CNTLN: variants seen among roughly 807,000 people sequenced by gnomAD.
The protein encoded by CNTLN is centlein, also known as centlein, centrosomal protein.
Under a neutral mutation model 180.0 loss-of-function variants are expected in CNTLN, and 212 were observed. That is an observed-to-expected ratio of 1.18 (90% CI 1.05 to 1.32). The LOEUF (loss-of-function observed/expected upper bound fraction) is 1.32, where lower values mean the gene tolerates loss of function less well. Among genes scored for constraint, CNTLN ranks in the 40% most tolerant of loss-of-function variants. The pLI is 0.00. For missense variants in CNTLN, 2,095 were observed against 1,610.9 expected (o/e 1.30, Z -5.14); for synonymous variants, 722 against 563.1 (o/e 1.28, Z -3.99).
chr9:17,252,383 G>A (rs887266595), intron 5 of CNTLN, among the ~76,000 whole-genome samples: 5 of 151,266 alleles, frequency 3.3e-5, no homozygotes, highest in Non-Finnish European at 5.9e-5. Context: ...TGTTATATAC[G>A]CTGTTGTATC....
chr9:17,427,543 T>A (rs1380763516), intron 18 of CNTLN, among the ~76,000 whole-genome samples: 2 of 152,178 alleles, frequency 1.3e-5, no homozygotes, highest in Non-Finnish European at 2.9e-5. Context: ...AGTGGCTGTT[T>A]TCTTTTTTTT....
At chr9:17,249,860 G>C (rs770600385) in intron 5 of CNTLN, among the ~76,000 whole-genome samples, 2 of 147,276 alleles carry the variant, frequency 1.4e-5, no homozygotes, top group Non-Finnish European at 3.0e-5. Flanking sequence ...AGCTGTTTTG[G>C]GATAGAGTAT....
intron 15 of CNTLN, among the ~76,000 whole-genome samples, chr9:17,401,321 T>G (rs1412379987): frequency 1.3e-5 from 2 of 152,158 alleles, no homozygotes; most frequent in Non-Finnish European, 2.9e-5. Context: ...TAAATAATAT[T>G]CATTGTCTGA....
chr9:17,505,311 G>T (rs751431883), downstream of CNTLN, among the ~76,000 whole-genome samples: 1 of 151,872 alleles, frequency 6.6e-6, no homozygotes, highest in Non-Finnish European at 1.5e-5. Context: ...CATAACGTGG[G>T]AAATTCTAGC....
rs1157529794 is a variant in CNTLN, at chr9:17,466,019, A to G, written c.3570A>G (p.Val1190=). 4 of 1,598,058 alleles carry G rather than the reference A, an allele frequency of 2.5e-6. No homozygotes were observed. In the Admixed American group the frequency reaches 6.7e-5, roughly 27 times the overall value. ...CTGAAGAATGTTCCAACAAGAAGGT[A>G]TCAATTGATTCACTAAAGCAAAGAC... The part of the protein sequence containing the change: ...TLTEECSNKK[V]SIDSLKQRLN... Residue 1190 remains valine (V), a synonymous_variant, in exon 22 of 26, where the codon GTA becomes GTG. Coordinates refer to ENST00000380647, the MANE Select transcript of CNTLN (RefSeq NM_017738.4).
chr9:17,484,477 A>G lies in CNTLN; in HGVS notation c.4038A>G (p.Gln1346=). 6.3e-7 allele frequency: 1 copy of G among 1,591,464 alleles called. No individual in the cohort carries two copies. The highest frequency in any genetic ancestry group is 1.4e-5 in the African/African-American group (1 of 73,444). The change falls in exon 24 of 26, where the codon CAA becomes CAG. Residue 1346 remains glutamine (Q), a synonymous_variant. Transcript: ENST00000380647. ...AGGAAATATTAGACACAGAAGATCA[A>G]GTGGTAAGATCATTTAAATATTTAT... is the stretch of plus-strand genomic sequence containing the variant. The part of the protein sequence containing the change: ...DLEEILDTED[Q]VEIEKTKIDA...
chr9:17,212,527 G>T (rs938250329), intron 2 of CNTLN, among the ~76,000 whole-genome samples: 24 of 152,030 alleles, frequency 1.6e-4, no homozygotes, highest in African/African-American at 4.8e-4. Flanking sequence ...CTTTTTTGTT[G>T]TGTCTCTGCC....
intron 5 of CNTLN, among the ~76,000 whole-genome samples, chr9:17,237,392 C>CAA (rs1825215758): frequency 7.0e-6 from 1 of 143,578 alleles, no homozygotes; most frequent in African/African-American, 2.7e-5. Context: ...CACACACACA[C>CAA]ACACACACAC....
downstream of CNTLN, among the ~76,000 whole-genome samples, chr9:17,507,217 C>T (rs941215165): frequency 3.3e-5 from 5 of 152,106 alleles, no homozygotes; most frequent in East Asian, 7.7e-4. Context: ...GTTTATCTCC[C>T]ACTTTTAAAT....
intron 2 of CNTLN, among the ~76,000 whole-genome samples, chr9:17,197,157 A>C (rs139344027): frequency 0.021 from 3,129 of 152,266 alleles, 64 homozygotes; most frequent in African/African-American, 0.056. Context: ...GCCTACTTCA[A>C]AGGGCTATTG....
the CNTLN span, among the ~76,000 whole-genome samples, chr9:17,524,172 T>C: frequency 1.3e-5 from 2 of 152,240 alleles, no homozygotes; most frequent in Non-Finnish European, 2.9e-5. Context: ...TTTATATGTA[T>C]GTGCATACAT....
chr9:17,405,020 G>C (rs1185089453), intron 15 of CNTLN, among the ~76,000 whole-genome samples: 1 of 151,702 alleles, frequency 6.6e-6, no homozygotes, highest in Admixed American at 6.6e-5. Flanking sequence ...TTACAGATGT[G>C]AGCCACCGCG....
At chr9:17,448,217 C>A in intron 18 of CNTLN, 1 of 179,886 alleles carries the variant, frequency 5.6e-6, no homozygotes, top group South Asian at 1.4e-4. Flanking sequence ...GCATTGTCAC[C>A]TTGACATGTA....
chr9:17,164,628 G>A (rs556607463), intron 2 of CNTLN, among the ~76,000 whole-genome samples: 8 of 150,520 alleles, frequency 5.3e-5, no homozygotes, highest in African/African-American at 1.9e-4. Flanking sequence ...TGTATTTTTT[G>A]TAGAGACAGG....
In CNTLN at chr9:17,404,683, G is replaced by C. The variant is rs984518278; in HGVS notation, c.2616-4610G>C. ...CTTGGCAGTGAAATTTTAAAAAGTT[G>C]TGTACAATCCTTGTTTCAAATTCCA... On this transcript the variant is annotated intron_variant, in intron 15 of 25. Coordinates refer to ENST00000380647, the MANE Select transcript of CNTLN (RefSeq NM_017738.4). Among the ~76,000 whole-genome samples the C allele has an allele frequency of 2.3e-4, 34 of 150,996 alleles. 1 individual carries two copies. The highest frequency in any genetic ancestry group is 9.9e-4 in the Admixed American group (15 of 15,148).
At chr9:17,218,113 C>G (rs972325900) in intron 2 of CNTLN, among the ~76,000 whole-genome samples, 15 of 152,046 alleles carry the variant, frequency 9.9e-5, no homozygotes, top group Non-Finnish European at 1.6e-4. Context: ...TGTCGTTTGC[C>G]AACTTCTCCA....
chr9:17,205,659 C>A (rs1267784821), intron 2 of CNTLN, among the ~76,000 whole-genome samples: 1 of 152,190 alleles, frequency 6.6e-6, no homozygotes, highest in Non-Finnish European at 1.5e-5. Flanking sequence ...CACTTGTATA[C>A]CAACTCTTGG....
chr9:17,394,716 A>G lies in CNTLN; in HGVS notation c.2262A>G (p.Glu754=), dbSNP rs1047238376. The stretch of plus-strand genomic sequence containing the variant: ...TAATAAAGGGGAGTAAAGATGTAGA[A>G]AAAGAAAATACTGAACTTCAAGTAA... The part of the protein sequence containing the change: ...EQIIKGSKDV[E]KENTELQVKI... The change falls in exon 15 of 26, where the codon GAA becomes GAG. Residue 754 remains glutamate, a synonymous_variant. Coordinates refer to ENST00000380647, the MANE Select transcript of CNTLN (RefSeq NM_017738.4). The G allele has an allele frequency of 7.4e-6, 12 of 1,614,062 alleles. No individual in the cohort carries two copies. The highest frequency in any genetic ancestry group is 9.3e-6 in the Non-Finnish European group (11 of 1,179,994).
intron 23 of CNTLN, among the ~76,000 whole-genome samples, chr9:17,482,554 T>A (rs535747106): frequency 1.3e-5 from 2 of 152,146 alleles, no homozygotes; most frequent in East Asian, 3.8e-4. Context: ...GAAATAAAAT[T>A]ACCACAGTAA....
Sources: gnomAD v4.1 joint callset for allele counts (sites outside exome capture counted in the v4.1 genomes callset) on GRCh38, gnomAD v4.1.1 for gene constraint, MANE v1.5 for transcripts, NCBI Gene and HGNC (gene_info 2026-07-23, HGNC 2026-07-21) for gene names.